Variants in NCOA4 observed in about 807,000 individuals in gnomAD.
NCOA4 encodes 70 kDa AR-activator.
In NCOA4, 31 loss-of-function variants were observed where a neutral mutation model predicts 69.5. The observed-to-expected ratio is 0.45, with a 90% CI of 0.34 to 0.60. NCOA4 has a LOEUF of 0.60. NCOA4 is among the 20% of genes least tolerant of loss of function. The pLI is 0.02. For missense variants in NCOA4, 600 were observed against 719.2 expected, an observed-to-expected ratio of 0.83 and a Z score of 1.90; for synonymous variants, 228 against 252.4, an observed-to-expected ratio of 0.90 and a Z score of 0.92.
rs1839074130 is a variant in NCOA4, at chr10:46,009,571, T to C, written c.1699-20A>G. 3.1e-6 allele frequency: 5 copies of C among 1,594,708 alleles called. No individual in the cohort carries two copies. Among genetic ancestry groups the C allele is most frequent in the Non-Finnish European group, 3.4e-6 (4 of 1,172,600 alleles). Reference sequence around the variant, plus strand: ...TACTTCCTGCAATAAAAGAAAAGAGTAGGTTGCTTCATGAAAACAAGGAGG... The same window carrying C: ...TACTTCCTGCAATAAAAGAAAAGAGCAGGTTGCTTCATGAAAACAAGGAGG... On this transcript the variant is annotated intron_variant, in intron 8 of 9. Transcript: ENST00000581486.
intron 1 of NCOA4, among the ~76,000 whole-genome samples, chr10:46,029,502 TC>T (rs1277797502): frequency 6.6e-6 from 1 of 152,302 alleles, no homozygotes; most frequent in Non-Finnish European, 1.5e-5. Flanking sequence ...AACTATGACT[TC>T]CTGTGCCATC....
chr10:46,013,566 A>C lies in NCOA4; in HGVS notation c.554T>G (p.Ile185Ser), dbSNP rs984974513. ...ATATTTTACCTGCTCTGGCATGGAG[A>C]TACAGCCTCTCTTCTCCAGGAAGGG... Reference protein sequence around the residue: ...IGPFLEKRGCISMPEQKSASG... With the variant: ...IGPFLEKRGCSSMPEQKSASG... Residue 185 changes from isoleucine (I) to serine (S), a missense_variant, in exon 6 of 10, where the codon ATC becomes AGC. Transcript: ENST00000581486. The C allele has an allele frequency of 2.5e-6, 4 of 1,611,924 alleles. No individual in the cohort carries two copies. Among genetic ancestry groups the C allele is most frequent in the East Asian group, 2.2e-5 (1 of 44,852 alleles).
rs149735468 is a variant in NCOA4 at position 46,009,349 on chromosome 10, G to A, written c.1839+62C>T. The A allele has an allele frequency of 8.3e-5, 129 of 1,563,610 alleles. No homozygotes were observed. The East Asian group carries it at 1.8e-3, about 22-fold the overall frequency. On this transcript the variant is annotated intron_variant, in intron 9 of 9. Transcript: ENST00000581486. ...GAGCCAAGTATGACTTCATATGTAA[G>A]ACAAAACATTTATTTTATAAATAGC... is the stretch of plus-strand genomic sequence containing the variant.
chr10:46,027,510 G>GCGTT (rs1840230579), intron 1 of NCOA4: 53 of 1,542,800 alleles, frequency 3.4e-5, no homozygotes, highest in Non-Finnish European at 4.6e-5. Flanking sequence ...CTATGTTGAA[G>GCGTT]CAATGTGTCC....
At chr10:46,024,947 G>C (rs1840079372) in intron 1 of NCOA4, among the ~76,000 whole-genome samples, 1 of 151,966 alleles carries the variant, frequency 6.6e-6, no homozygotes, top group South Asian at 2.1e-4. Context: ...ACATTATATA[G>C]ACAGACATAG....
intron 2 of NCOA4, among the ~76,000 whole-genome samples, chr10:46,015,966 A>G: frequency 6.6e-6 from 1 of 152,258 alleles, no homozygotes; most frequent in Non-Finnish European, 1.5e-5. Flanking sequence ...CCGTGACAAT[A>G]TACATAAGAA....
intron 1 of NCOA4, chr10:46,023,489 A>C (rs982976170): frequency 1.0e-6 from 1 of 985,442 alleles, no homozygotes; most frequent in Admixed American, 6.1e-5. Context: ...GGAGCGCTCA[A>C]GCCAAGGGCG....
chr10:46,007,017 G>A (rs1424304624), intron 9 of NCOA4, among the ~76,000 whole-genome samples: 1 of 152,142 alleles, frequency 6.6e-6, no homozygotes, highest in East Asian at 1.9e-4. Context: ...CTGAAAGCTG[G>A]GCAGGCCTTT....
intron 1 of NCOA4, among the ~76,000 whole-genome samples, chr10:46,021,966 A>T (rs1839895996): frequency 2.0e-5 from 3 of 152,098 alleles, no homozygotes. Flanking sequence ...ATCTCAAAAT[A>T]AATAAATAAA....
intron 8 of NCOA4, 83 bp from the exon 9 acceptor site, chr10:46,009,634 GA>G (rs551268595): frequency 3.1e-6 from 4 of 1,282,784 alleles, no homozygotes; most frequent in Non-Finnish European, 4.3e-6. Context: ...GGTCTACAGA[GA>G]ATAATTTAAA....
At chr10:46,021,025 A>G (rs984992443) in intron 1 of NCOA4, among the ~76,000 whole-genome samples, 1 of 152,232 alleles carries the variant, frequency 6.6e-6, no homozygotes, top group Non-Finnish European at 1.5e-5. Flanking sequence ...CTTCAAACGA[A>G]TAACAAAACC....
rs782032854 is a variant in NCOA4 at position 46,015,250 on chromosome 10, T to G, written c.158A>C (p.His53Pro). ...DNLREVKAQI[H>P]SCISRHLECL... ...TTCCAGGTGACGGCTTATGCAACTGTGAATCTGAGCTTTGACCTAGGAAAC... is the reference window on the plus strand; with the variant it reads ...TTCCAGGTGACGGCTTATGCAACTGGGAATCTGAGCTTTGACCTAGGAAAC... The change falls in exon 3 of 10, where the codon CAC becomes CCC. Residue 53 changes from histidine (H) to proline (P), a missense_variant. By Grantham distance (77) the His-to-Pro change is moderately conservative (BLOSUM62 -2). Transcript: ENST00000581486. 1 of 1,613,218 alleles carries G rather than the reference T, an allele frequency of 6.2e-7. No individual in the cohort carries two copies. The highest frequency in any genetic ancestry group is 8.5e-7 in the Non-Finnish European group (1 of 1,179,916).
rs1838760564 is a variant in NCOA4, at chr10:46,005,526, A to G, written c.*1066T>C. 2 of 221,058 alleles carry G rather than the reference A, an allele frequency of 9.0e-6. No individual in the cohort carries two copies. The highest frequency in any genetic ancestry group is 3.7e-4 in the South Asian group (2 of 5,406). The allele number at this position is 221,058 out of a possible 1,614,324, so 13.7% of individuals were successfully genotyped here. On this transcript the variant is annotated 3_prime_UTR_variant, in exon 10 of 10. Coordinates refer to ENST00000581486, the MANE Select transcript of NCOA4 (RefSeq NM_001145263.2). Reference sequence around the variant, plus strand: ...AACCCCACTTCTCTCCTACACAGACATTTTAAAGCATGGACGTAACTTTAA... The same window carrying G: ...AACCCCACTTCTCTCCTACACAGACGTTTTAAAGCATGGACGTAACTTTAA...
chr10:46,019,046 G>A (rs1157242704), intron 1 of NCOA4, among the ~76,000 whole-genome samples: 1 of 152,108 alleles, frequency 6.6e-6, no homozygotes, highest in African/African-American at 2.4e-5. Context: ...CTCAGATTCA[G>A]GAACTAGAGT....
chr10:46,023,387 C>G (rs1372984348), intron 1 of NCOA4: 1 of 985,652 alleles, frequency 1.0e-6, no homozygotes, highest in Non-Finnish European at 1.2e-6. Context: ...CTGCTTTACC[C>G]CTGACCCGAG....
intron 2 of NCOA4, 36 bp from the exon 3 acceptor site, chr10:46,015,302 AT>A: frequency 2.1e-6 from 3 of 1,397,136 alleles, no homozygotes; most frequent in Non-Finnish European, 1.9e-6. Context: ...CCTAGTGTTA[AT>A]CCCAAAGAAT....
At position 46,012,929 on chromosome 10, in the gene NCOA4, T is replaced by G; in HGVS notation, c.668A>C (p.Asp223Ala). The G allele has an allele frequency of 6.2e-7, 1 of 1,613,938 alleles. No homozygotes were observed. Among genetic ancestry groups the G allele is most frequent in the African/African-American group, 1.3e-5 (1 of 74,972 alleles). Residue 223 changes from aspartate to alanine, a missense_variant, in exon 7 of 10, where the codon GAC (aspartate) becomes GCC (alanine). Transcript: ENST00000581486. ...GYQAPYIPST[D>A]PQDWLTQKQT... ...CTTTTGGGTAAGCCAGTCCTGGGGGTCGGTGCTGGGTATGTAAGGAGCTTG... is the reference window on the plus strand; with the variant it reads ...CTTTTGGGTAAGCCAGTCCTGGGGGGCGGTGCTGGGTATGTAAGGAGCTTG...
Position 46,011,225 on chromosome 10 carries a change from G to A in NCOA4, c.715-19C>T, listed in dbSNP as rs2132322692. The stretch of plus-strand genomic sequence containing the variant: ...AAGAAGTCTACACAAAAAGTACACA[G>A]TATTAGTTTGCCAGAACAATTATGA... On this transcript the variant is annotated intron_variant, in intron 7 of 9. Coordinates refer to ENST00000581486, the MANE Select transcript of NCOA4 (RefSeq NM_001145263.2). 3.9e-6 allele frequency: 6 copies of A among 1,552,580 alleles called. No homozygotes were observed. The highest frequency in any genetic ancestry group is 5.2e-6 in the Non-Finnish European group (6 of 1,156,520).
Position 46,006,443 on chromosome 10 carries a change from T to C in NCOA4, c.*149A>G. ...AAACAGTAACTCATAATCTGATGAC[T>C]CACTTTGCTTTACTAGTTCAAAATT... On this transcript the variant is annotated 3_prime_UTR_variant, in exon 10 of 10. Transcript: ENST00000581486. 1 of 819,794 alleles carries C rather than the reference T, an allele frequency of 1.2e-6. No individual in the cohort carries two copies. Among genetic ancestry groups the C allele is most frequent in the Non-Finnish European group, 2.1e-6 (1 of 474,432 alleles). The allele number at this position is 819,794 out of a possible 1,614,324, so 50.8% of individuals were successfully genotyped here.
Sources: gnomAD v4.1 joint callset for allele counts (sites outside exome capture counted in the v4.1 genomes callset) on GRCh38, gnomAD v4.1.1 for gene constraint, MANE v1.5 for transcripts, NCBI Gene and HGNC (gene_info 2026-07-23, HGNC 2026-07-21) for gene names.